AUTS2: variants seen among roughly 807,000 people sequenced by gnomAD.
The protein encoded by AUTS2 is activator of transcription and developmental regulator AUTS2, also known as autism susceptibility gene 2 protein.
In AUTS2, 17 loss-of-function variants were observed where a neutral mutation model predicts 112.4. That is an observed-to-expected ratio of 0.15 (90% CI 0.10 to 0.23). The LOEUF (loss-of-function observed/expected upper bound fraction) is 0.23, where lower values mean the gene tolerates loss of function less well. AUTS2 is among the 10% of genes least tolerant of loss of function. The pLI is 1.00. For missense variants in AUTS2, 1,510 were observed against 1,701.6 expected (o/e 0.89, Z 1.98); for synonymous variants, 751 against 702.7 (o/e 1.07, Z -1.09).
At chr7:69,995,693 T>C (rs1328238392) in intron 2 of AUTS2, among the ~76,000 whole-genome samples, 1 of 152,196 alleles carries the variant, frequency 6.6e-6, no homozygotes, top group African/African-American at 2.4e-5. Flanking sequence ...CTGCTGGCCT[T>C]CTGGACCATT....
intron 4 of AUTS2, among the ~76,000 whole-genome samples, chr7:70,285,862 CCTCCTAA>C (rs886189852): frequency 2.0e-5 from 3 of 152,112 alleles, no homozygotes; most frequent in African/African-American, 7.2e-5. Context: ...GTCACTGTGC[CCTCCTAA>C]TGCTTACATC....
At chr7:69,702,586 A>C (rs1283310531) in intron 1 of AUTS2, among the ~76,000 whole-genome samples, 1 of 152,120 alleles carries the variant, frequency 6.6e-6, no homozygotes, top group Non-Finnish European at 1.5e-5. Context: ...TGCTATTTCT[A>C]AGAATTGCAC....
intron 1 of AUTS2, among the ~76,000 whole-genome samples, chr7:69,625,971 G>T (rs939747122): frequency 6.6e-6 from 1 of 152,212 alleles, no homozygotes; most frequent in Non-Finnish European, 1.5e-5. Flanking sequence ...TTATTGTGGT[G>T]TGAAGGAATG....
At chr7:70,480,066 G>T (rs1045123323) in intron 5 of AUTS2, among the ~76,000 whole-genome samples, 2 of 152,192 alleles carry the variant, frequency 1.3e-5, no homozygotes, top group Non-Finnish European at 2.9e-5. Flanking sequence ...AAGGATATTG[G>T]ATTGCTTGCA....
chr7:70,438,968 A>G (rs1444074786), intron 5 of AUTS2, among the ~76,000 whole-genome samples: 1 of 152,194 alleles, frequency 6.6e-6, no homozygotes, highest in African/African-American at 2.4e-5. Context: ...GCAGGCTAAA[A>G]TTAGGGTACT....
At position 70,789,870 on chromosome 7, in the gene AUTS2, G is replaced by C. The variant is rs745581942; in HGVS notation, c.2654G>C (p.Arg885Pro). 4 of 1,614,098 alleles carry C rather than the reference G, an allele frequency of 2.5e-6. No homozygotes were observed. The East Asian group carries it at 8.9e-5, about 36-fold the overall frequency. ...QIRAHLNTEA[R>P]EKDKPKERER... ...CGGGCTCATCTGAACACTGAGGCTC[G>C]GGAGAAGGACAAACCCAAAGAGAGG... The change falls in exon 19 of 19, where the codon CGG becomes CCG. Residue 885 changes from arginine to proline, a missense_variant. Arg to Pro is a moderately radical substitution (Grantham distance 103). Coordinates refer to ENST00000342771, the MANE Select transcript of AUTS2 (RefSeq NM_015570.4).
At chr7:70,322,462 C>CT (rs1337498844) in intron 4 of AUTS2, among the ~76,000 whole-genome samples, 3 of 152,088 alleles carry the variant, frequency 2.0e-5, no homozygotes, top group African/African-American at 7.2e-5. Flanking sequence ...AAACTCCCAG[C>CT]TTTTTTTATG....
chr7:70,115,321 A>C (rs937974115), intron 2 of AUTS2, among the ~76,000 whole-genome samples: 1 of 152,160 alleles, frequency 6.6e-6, no homozygotes, highest in African/African-American at 2.4e-5. Context: ...CTCTCATCTA[A>C]GTTGGGAACT....
At chr7:69,992,926 A>G (rs1798798107) in intron 2 of AUTS2, among the ~76,000 whole-genome samples, 1 of 152,204 alleles carries the variant, frequency 6.6e-6, no homozygotes, top group Non-Finnish European at 1.5e-5. Flanking sequence ...GAGTTATGGA[A>G]TCAGGTTAAA....
intron 1 of AUTS2, among the ~76,000 whole-genome samples, chr7:69,626,258 A>C (rs926455063): frequency 2.0e-5 from 3 of 152,146 alleles, no homozygotes; most frequent in Admixed American, 6.5e-5. Context: ...CCTGAGCTTA[A>C]TTGTAATTTT....
chr7:70,543,226 G>C (rs1800625631), intron 5 of AUTS2, among the ~76,000 whole-genome samples: 1 of 152,182 alleles, frequency 6.6e-6, no homozygotes, highest in South Asian at 2.1e-4. Context: ...TTAAGGAAGG[G>C]TGTGGTGGCT....
intron 4 of AUTS2, among the ~76,000 whole-genome samples, chr7:70,152,060 G>A (rs755608709): frequency 2.7e-4 from 41 of 152,088 alleles, no homozygotes; most frequent in Non-Finnish European, 3.8e-4. Flanking sequence ...TATTATATGG[G>A]ATTAACAGCA....
At chr7:70,469,606 G>A (rs997840506) in intron 5 of AUTS2, among the ~76,000 whole-genome samples, 5 of 152,080 alleles carry the variant, frequency 3.3e-5, no homozygotes, top group African/African-American at 1.2e-4. Context: ...ATATATAATT[G>A]ATAAGATCCG....
chr7:70,190,714 AT>A (rs1307533720), intron 4 of AUTS2, among the ~76,000 whole-genome samples: 2 of 152,172 alleles, frequency 1.3e-5, no homozygotes, highest in African/African-American at 2.4e-5. Context: ...TGATGTTTCA[AT>A]TCTGTTTAAC....
intron 2 of AUTS2, among the ~76,000 whole-genome samples, chr7:70,018,084 T>A (rs1292187905): frequency 1.3e-5 from 2 of 152,062 alleles, no homozygotes; most frequent in African/African-American, 4.8e-5. Flanking sequence ...AATCAAACCA[T>A]CATTAAGCCT....
intron 1 of AUTS2, among the ~76,000 whole-genome samples, chr7:69,606,069 A>G (rs879853804): frequency 1.2e-4 from 19 of 152,186 alleles, no homozygotes; most frequent in Admixed American, 2.0e-4. Flanking sequence ...TAGAATGTAA[A>G]TGAATCCGTG....
At chr7:70,463,840 C>T (rs910582015) in intron 5 of AUTS2, among the ~76,000 whole-genome samples, 2 of 152,150 alleles carry the variant, frequency 1.3e-5, no homozygotes, top group African/African-American at 2.4e-5. Flanking sequence ...TGAAGACTGG[C>T]GGAGGGAGTA....
At chr7:69,719,355 G>C (rs1798793035) in intron 1 of AUTS2, among the ~76,000 whole-genome samples, 1 of 152,082 alleles carries the variant, frequency 6.6e-6, no homozygotes, top group South Asian at 2.1e-4. Context: ...TCTCCATCCT[G>C]TTCCTTCTCC....
chr7:70,310,233 T>TA (rs1789676866), intron 4 of AUTS2, among the ~76,000 whole-genome samples: 1 of 152,052 alleles, frequency 6.6e-6, no homozygotes, highest in African/African-American at 2.4e-5. Context: ...AGGCTTCTTT[T>TA]AGGGGTCGGG....
Sources: allele counts gnomAD v4.1 joint callset (sites outside exome capture counted in the v4.1 genomes callset), GRCh38; gene constraint gnomAD v4.1.1; transcripts MANE v1.5; gene names NCBI Gene and HGNC (gene_info 2026-07-23, HGNC 2026-07-21).